LGALS4: variants seen among roughly 807,000 people sequenced by gnomAD.
The protein encoded by LGALS4 is galectin 4.
In LGALS4, 37 loss-of-function variants were observed where a neutral mutation model predicts 39.6. That is an observed-to-expected ratio of 0.93 (90% confidence interval 0.72 to 1.23). The LOEUF (loss-of-function observed/expected upper bound fraction) is 1.23. Among genes scored for constraint, LGALS4 ranks in the 50% most tolerant of loss-of-function variants. The probability of loss-of-function intolerance (pLI) is 0.00; values close to 1 mark genes in which losing one functional copy is unlikely to be tolerated. For synonymous variants in LGALS4, 160 were observed against 165.5 expected (o/e 0.97, Z 0.25); for missense variants, 397 against 433.2 (o/e 0.92, Z 0.74).
chr19:38,811,917 G>A (rs1240947062), intron 2 of LGALS4, among the ~76,000 whole-genome samples: 5 of 151,916 alleles, frequency 3.3e-5, no homozygotes, highest in African/African-American at 1.2e-4. Context: ...AGAGGCTGAG[G>A]CAGGAGAATC....
chr19:38,802,180 G>T (rs1971365104), intron 8 of LGALS4, 23 bp from the exon 9 acceptor site: 1 of 1,611,250 alleles, frequency 6.2e-7, no homozygotes, highest in Admixed American at 1.7e-5. Context: ...AGGGATGGGG[G>T]AGTCAGATGG....
At chr19:38,811,886 G>A (rs928853052) in intron 2 of LGALS4, among the ~76,000 whole-genome samples, 3 of 152,014 alleles carry the variant, frequency 2.0e-5, no homozygotes, top group Admixed American at 6.6e-5. Flanking sequence ...GCTGGCACAT[G>A]CCTGTAATCC....
chr19:38,806,393 AG>A (rs1971421848), intron 4 of LGALS4, 67 bp downstream of exon 4: 2 of 1,528,430 alleles, frequency 1.3e-6, no homozygotes, highest in Non-Finnish European at 1.8e-6. Context: ...AAAGAAAAAA[AG>A]AAAAAAAATG....
chr19:38,804,686 C>T (rs1054212843), intron 4 of LGALS4, among the ~76,000 whole-genome samples: 4 of 151,876 alleles, frequency 2.6e-5, no homozygotes, highest in Admixed American at 6.6e-5. Context: ...TATAGCCGGG[C>T]GTGGTGGCAG....
At chr19:38,802,610 T>C (rs1485153890) in intron 7 of LGALS4, among the ~76,000 whole-genome samples, 3 of 152,040 alleles carry the variant, frequency 2.0e-5, no homozygotes, top group Non-Finnish European at 4.4e-5. Flanking sequence ...TCCTCCCATC[T>C]CAGCCTCCCG....
intron 3 of LGALS4, among the ~76,000 whole-genome samples, chr19:38,808,481 G>A (rs913475645): frequency 2.6e-5 from 4 of 151,878 alleles, no homozygotes; most frequent in Non-Finnish European, 4.4e-5. Flanking sequence ...GAAATTAGCT[G>A]AGCGTGGTGG....
chr19:38,807,856 A>G (rs1376850381), intron 3 of LGALS4, among the ~76,000 whole-genome samples: 1 of 152,120 alleles, frequency 6.6e-6, no homozygotes, highest in African/African-American at 2.4e-5. Flanking sequence ...TGGTGTGTCA[A>G]CTCAGGGTTA....
In LGALS4 at chr19:38,808,953, C is replaced by T. The variant is rs199571531; in HGVS notation, c.135-5G>A. 1.1e-4 allele frequency: 174 copies of T among 1,598,296 alleles called. No homozygotes were observed. The African/African-American group carries it at 1.1e-3, about 10-fold the overall frequency. The stretch of plus-strand genomic sequence containing the variant: ...ACCACAAAGTTCACGAAGAACCTGG[C>T]GGGACACAAAGGGCTCATTCCCCTG... On this transcript the variant is annotated splice_region_variant and splice_polypyrimidine_tract_variant and intron_variant, in intron 2 of 9. Transcript: ENST00000307751.
chr19:38,802,191 A>T (rs762665172), intron 8 of LGALS4, 34 bp from the exon 9 acceptor site: 2 of 1,610,436 alleles, frequency 1.2e-6, no homozygotes, highest in South Asian at 2.2e-5. Context: ...AGTCAGATGG[A>T]GTCCAGTGGG....
At chr19:38,808,988 C>T (rs1568352442) in intron 2 of LGALS4, 40 bp from the exon 3 acceptor site, 1 of 1,529,706 alleles carries the variant, frequency 6.5e-7, no homozygotes, top group Non-Finnish European at 8.9e-7. Context: ...GGTGCCACCT[C>T]CCGGGGCCTG....
intron 3 of LGALS4, among the ~76,000 whole-genome samples, chr19:38,806,984 T>C (rs7250734): frequency 0.34 from 51,384 of 150,376 alleles, 9,780 homozygotes; most frequent in African/African-American, 0.52. Context: ...ATCTTTTTCA[T>C]TGGGAGTCGA....
rs751423521 is a variant in LGALS4 at position 38,801,796 on chromosome 19, C to T, written c.940G>A (p.Gly314Ser). Residue 314 changes from glycine to serine, a missense_variant, in exon 10 of 10, where the codon GGT (glycine) becomes AGT (serine). By Grantham distance (56) the Gly-to-Ser change is moderately conservative. Transcript: ENST00000307751. ...TGGACATAGGACAAGGTGACATCAC[C>T]CTGGATTTCCAATGTGTCCACCCTC... Reference protein sequence around the residue: ...FQRVDTLEIQGDVTLSYVQI With the variant: ...FQRVDTLEIQSDVTLSYVQI 1 of 1,614,050 alleles carries T rather than the reference C, an allele frequency of 6.2e-7. No homozygotes were observed. The highest frequency in any genetic ancestry group is 8.5e-7 in the Non-Finnish European group (1 of 1,180,024).
In LGALS4 at chr19:38,808,905, C is replaced by T. The variant is rs368471681; in HGVS notation, c.178G>A (p.Val60Ile). The T allele has an allele frequency of 6.8e-6, 11 of 1,613,998 alleles. No individual in the cohort carries two copies. Among genetic ancestry groups the T allele is most frequent in the Admixed American group, 5.0e-5 (3 of 59,970 alleles). Residue 60 changes from valine to isoleucine, a missense_variant, in exon 3 of 10, where the codon GTC (valine) becomes ATC (isoleucine). Transcript: ENST00000307751. ...FVVGQDPGSDVAFHFNPRFDG... is the reference protein window; with the variant it reads ...FVVGQDPGSDIAFHFNPRFDG... ...AACCGCGGATTGAAGTGGAAGGCGA[C>T]GTCTGAGCCCGGATCCTGCCCAACC...
At chr19:38,808,695 T>C in intron 3 of LGALS4, 49 bp downstream of exon 3, 1 of 1,448,228 alleles carries the variant, frequency 6.9e-7, no homozygotes, top group Non-Finnish European at 9.6e-7. Flanking sequence ...GCAGCCAAGA[T>C]GGCGCCACTG....
chr19:38,804,107 T>C (rs1406679386), intron 4 of LGALS4, among the ~76,000 whole-genome samples: 1 of 152,012 alleles, frequency 6.6e-6, no homozygotes, highest in East Asian at 1.9e-4. Flanking sequence ...CCCAAAGCTT[T>C]AGGACAATGC....
rs1321241494 is a variant in LGALS4 at position 38,802,407 on chromosome 19, G to C, written c.571-3C>G. On this transcript the variant is annotated splice_polypyrimidine_tract_variant and splice_region_variant and intron_variant, in intron 7 of 9. Transcript: ENST00000307751. ...AGCCTCCCGAAATATGGCACAGGCT[G>C]TGGGAAGAGAACGGGGGGTCCCATT... is the stretch of plus-strand genomic sequence containing the variant. 6.2e-7 allele frequency: 1 copy of C among 1,613,420 alleles called. No homozygotes were observed. The highest frequency in any genetic ancestry group is 2.2e-5 in the East Asian group (1 of 44,892).
At chr19:38,811,422 C>T (rs1053987622) in intron 2 of LGALS4, among the ~76,000 whole-genome samples, 2 of 151,990 alleles carry the variant, frequency 1.3e-5, no homozygotes, top group South Asian at 2.1e-4. Context: ...CGCTTGAGCA[C>T]AGGAGTTCAA....
rs183469198 is a variant in LGALS4 at position 38,807,911 on chromosome 19, T to C, written c.339+833A>G. 9.0e-3 allele frequency among the ~76,000 whole-genome samples: 1,372 copies of C among 152,210 alleles called. 13 individuals carry two copies. The highest frequency in any genetic ancestry group is 0.014 in the Non-Finnish European group (969 of 68,030). ...AGGATGTGCTTTGTTAAACAGAGGC[T>C]TGAAGGCAGCATGCTCCTTAAGAGT... On this transcript the variant is annotated intron_variant, in intron 3 of 9. Transcript: ENST00000307751.
intron 7 of LGALS4, chr19:38,803,282 G>T: frequency 5.1e-6 from 3 of 586,324 alleles, no homozygotes; most frequent in Non-Finnish European, 9.2e-6. Flanking sequence ...ATCCCAAAGT[G>T]CTGGGATTAC....
Sources: allele counts gnomAD v4.1 joint callset (sites outside exome capture counted in the v4.1 genomes callset), GRCh38; gene constraint gnomAD v4.1.1; transcripts MANE v1.5; gene names NCBI Gene and HGNC (gene_info 2026-07-23, HGNC 2026-07-21).